Variants in GFRAL observed in about 807,000 individuals in gnomAD.
GFRAL encodes the protein GDNF family receptor alpha-like.
In GFRAL, 36 loss-of-function variants were observed where a neutral mutation model predicts 45.4. The observed-to-expected ratio is 0.79, with a 90% CI of 0.61 to 1.05. The LOEUF (loss-of-function observed/expected upper bound fraction) is 1.05, where lower values mean the gene tolerates loss of function less well. Ranked by LOEUF, GFRAL falls within the 50% of genes least tolerant of loss-of-function variation. GFRAL has a pLI of 0.00. For synonymous variants in GFRAL, 166 were observed against 154.1 expected (o/e 1.08, Z -0.57); for missense variants, 507 against 467.5 (o/e 1.08, Z -0.78).
At chr6:55,393,058 G>A (rs948386373) in intron 6 of GFRAL, among the ~76,000 whole-genome samples, 4 of 152,156 alleles carry the variant, frequency 2.6e-5, no homozygotes, top group African/African-American at 7.2e-5. Flanking sequence ...AACACACAAT[G>A]TTTTCAGTGT....
chr6:55,390,816 A>G (rs973476704), intron 6 of GFRAL, among the ~76,000 whole-genome samples: 4 of 151,842 alleles, frequency 2.6e-5, no homozygotes, highest in African/African-American at 9.7e-5. Flanking sequence ...TGAACCTGGG[A>G]GGCAGAGATT....
intron 6 of GFRAL, among the ~76,000 whole-genome samples, chr6:55,385,193 A>T (rs1186417271): frequency 6.6e-6 from 1 of 152,156 alleles, no homozygotes; most frequent in Non-Finnish European, 1.5e-5. Context: ...AGTCTTGAAA[A>T]TAATTATCCC....
At chr6:55,341,569 G>A (rs1228819698) in intron 3 of GFRAL, among the ~76,000 whole-genome samples, 2 of 152,050 alleles carry the variant, frequency 1.3e-5, no homozygotes, top group East Asian at 1.9e-4. Flanking sequence ...CACAAAGATG[G>A]GGAAAAAACA....
intron 4 of GFRAL, among the ~76,000 whole-genome samples, chr6:55,350,471 T>C (rs1229457953): frequency 1.3e-5 from 2 of 152,044 alleles, no homozygotes; most frequent in Non-Finnish European, 2.9e-5. Flanking sequence ...TCCCAGGAGT[T>C]TGAGACCAAC....
At chr6:55,331,891 A>C in intron 2 of GFRAL, 42 bp downstream of exon 2, 1 of 1,555,764 alleles carries the variant, frequency 6.4e-7, no homozygotes, top group East Asian at 2.3e-5. Flanking sequence ...ATTTATTTTT[A>C]CTAAGATAAA....
chr6:55,370,621 A>T (rs1416968581), intron 6 of GFRAL, among the ~76,000 whole-genome samples: 1 of 152,190 alleles, frequency 6.6e-6, no homozygotes, highest in Non-Finnish European at 1.5e-5. Context: ...AGCAGTTCTC[A>T]ATCTTTGCTA....
intron 6 of GFRAL, among the ~76,000 whole-genome samples, chr6:55,387,258 C>G (rs1768691554): frequency 6.6e-6 from 1 of 152,148 alleles, no homozygotes; most frequent in Non-Finnish European, 1.5e-5. Flanking sequence ...TACATGAAAT[C>G]ATAGTATTAT....
chr6:55,380,347 C>CT (rs1259760494), intron 6 of GFRAL, among the ~76,000 whole-genome samples: 1 of 151,908 alleles, frequency 6.6e-6, no homozygotes, highest in African/African-American at 2.4e-5. Context: ...GTCACAAAGA[C>CT]AAGCCCAAAC....
At chr6:55,393,233 G>A (rs2397186) in intron 6 of GFRAL, among the ~76,000 whole-genome samples, 6,085 of 151,974 alleles carry the variant, frequency 0.04, 167 homozygotes, top group African/African-American at 0.062. Context: ...AGTAAATTTA[G>A]GTAATGTATG....
At chr6:55,386,704 T>A (rs1768685459) in intron 6 of GFRAL, among the ~76,000 whole-genome samples, 1 of 152,020 alleles carries the variant, frequency 6.6e-6, no homozygotes, top group Non-Finnish European at 1.5e-5. Flanking sequence ...AATTCAAAAT[T>A]CCCTCAAGAG....
chr6:55,397,834 A>C (rs1448355886), intron 6 of GFRAL, among the ~76,000 whole-genome samples: 1 of 152,186 alleles, frequency 6.6e-6, no homozygotes, highest in East Asian at 1.9e-4. Context: ...CATTCTGGTC[A>C]ATGACAGACA....
rs372363144 is a variant in GFRAL, at chr6:55,368,734, G to C, written c.952+9596G>C. ...TGTCAGTCTGCCCCTGCTGGGGGGTGCCTCCCAGTTAGGCTGCTTGGGGGT... is the reference window on the plus strand; with the variant it reads ...TGTCAGTCTGCCCCTGCTGGGGGGTCCCTCCCAGTTAGGCTGCTTGGGGGT... On this transcript the variant is annotated intron_variant, in intron 6 of 8. Transcript: ENST00000340465. 1.4e-4 allele frequency among the ~76,000 whole-genome samples: 22 copies of C among 152,308 alleles called. No homozygotes were observed. The East Asian group carries it at 2.9e-3, about 20-fold the overall frequency.
chr6:55,369,409 C>T (rs192756788), intron 6 of GFRAL, among the ~76,000 whole-genome samples: 6 of 152,358 alleles, frequency 3.9e-5, no homozygotes, highest in South Asian at 2.1e-4. Context: ...TCTTCTGCGT[C>T]GCTCAGGCTC....
chr6:55,402,202 A>T lies in GFRAL; in HGVS notation c.*349A>T. 5.9e-6 allele frequency: 1 copy of T among 170,376 alleles called. No individual in the cohort carries two copies. Among genetic ancestry groups the T allele is most frequent in the Non-Finnish European group, 1.2e-5 (1 of 81,760 alleles). The allele number at this position is 170,376 out of a possible 1,614,324, so 10.6% of individuals were successfully genotyped here. A position where few individuals can be genotyped will look rare whatever the true frequency, so the allele number is the denominator to read the frequency against. Reference sequence around the variant, plus strand: ...GCCAAATTGGCCAGGGTGGTCTCAAACTCCTGACCTCAGGTGATCCACCCA... The same window carrying T: ...GCCAAATTGGCCAGGGTGGTCTCAATCTCCTGACCTCAGGTGATCCACCCA... On this transcript the variant is annotated 3_prime_UTR_variant, in exon 9 of 9. Transcript: ENST00000340465.
chr6:55,352,485 G>A (rs966595754), intron 5 of GFRAL, among the ~76,000 whole-genome samples: 1 of 152,042 alleles, frequency 6.6e-6, no homozygotes, highest in African/African-American at 2.4e-5. Flanking sequence ...ATGAGCGACA[G>A]CAAGATGGTG....
intron 3 of GFRAL, among the ~76,000 whole-genome samples, chr6:55,341,417 T>C (rs1021331077): frequency 6.6e-6 from 1 of 150,442 alleles, no homozygotes; most frequent in African/African-American, 2.4e-5. Context: ...AAACAGGGTC[T>C]GGAGTGGACC....
At chr6:55,385,805 C>G (rs1315591634) in intron 6 of GFRAL, among the ~76,000 whole-genome samples, 1 of 152,116 alleles carries the variant, frequency 6.6e-6, no homozygotes, top group Admixed American at 6.6e-5. Context: ...TCTATCCCTA[C>G]CTCCACCAGG....
chr6:55,340,169 CATG>C (rs1183014052), intron 3 of GFRAL, among the ~76,000 whole-genome samples: 1 of 152,100 alleles, frequency 6.6e-6, no homozygotes, highest in Non-Finnish European at 1.5e-5. Context: ...TGAGAAAGAA[CATG>C]ATAATTTAAA....
At chr6:55,372,808 T>C (rs1396803872) in intron 6 of GFRAL, among the ~76,000 whole-genome samples, 2 of 152,104 alleles carry the variant, frequency 1.3e-5, no homozygotes. Flanking sequence ...CTGCAACAAT[T>C]TACCCTTCCT....
Sources: gnomAD v4.1 joint callset for allele counts (sites outside exome capture counted in the v4.1 genomes callset) on GRCh38, gnomAD v4.1.1 for gene constraint, MANE v1.5 for transcripts, NCBI Gene and HGNC (gene_info 2026-07-23, HGNC 2026-07-21) for gene names.